Variants in PUDP observed in about 807,000 individuals in gnomAD.
PUDP encodes pseudouridine-5'-phosphatase.
PUDP carries 8 observed loss-of-function variants against 9.4 expected under a neutral mutation model. The observed-to-expected ratio is 0.85, with a 90% CI of 0.50 to 1.53. The LOEUF (loss-of-function observed/expected upper bound fraction) is 1.53, where lower values mean the gene tolerates loss of function less well. Among genes scored for constraint, PUDP ranks in the 40% most tolerant of loss-of-function variants. PUDP has a pLI of 0.00. For synonymous variants in PUDP, 99 were observed against 80.7 expected (o/e 1.23, Z -1.22); for missense variants, 188 against 189.7 (o/e 0.99, Z 0.05).
chrX:6,903,187 C>T (rs1345629731), intron 3 of PUDP, among the ~76,000 whole-genome samples: 7 of 112,368 alleles, frequency 6.2e-5, no homozygotes, highest in Admixed American at 2.8e-4. Flanking sequence ...CTTCTTACAG[C>T]TAAATAATCC....
At chrX:6,745,137 A>G (rs189368466) in intron 3 of PUDP, among the ~76,000 whole-genome samples, 72 of 111,905 alleles carry the variant, frequency 6.4e-4, no homozygotes, top group African/African-American at 1.6e-3. Flanking sequence ...TGTAAAGAGG[A>G]TGAGTTGAAT....
intron 3 of PUDP, among the ~76,000 whole-genome samples, chrX:6,822,283 G>A (rs5989578): frequency 0.24 from 26,249 of 110,871 alleles, 2,378 homozygotes; most frequent in African/African-American, 0.29. Flanking sequence ...CTTTATCTCC[G>A]AAGATGAAGA....
At chrX:7,067,422 C>T (rs1289297476) in intron 3 of PUDP, among the ~76,000 whole-genome samples, 1 of 111,886 alleles carries the variant, frequency 8.9e-6, no homozygotes, top group South Asian at 3.8e-4. Flanking sequence ...ACAGATTCTG[C>T]CGCTGACTGT....
intron 1 of PUDP, among the ~76,000 whole-genome samples, chrX:6,712,274 T>C (rs1213782337): frequency 8.9e-6 from 1 of 111,880 alleles, no homozygotes; most frequent in Admixed American, 9.5e-5. Flanking sequence ...CCTCAGCCTC[T>C]GGAGCAGCTG....
Position 6,720,381 on chromosome X carries a change from T to C in PUDP, n.128+1036A>G, listed in dbSNP as rs1174065304. ...ATGTGAATGAACCTGGAGGGCATTA[T>C]GTTAAGCAAATTAAGCCAGACAGAG... On this transcript the variant is annotated intron_variant and non_coding_transcript_variant, in intron 1 of 2. Transcript: ENST00000438499. Among the ~76,000 whole-genome samples, 8 of 102,403 alleles carry C rather than the reference T, an allele frequency of 7.8e-5. No individual in the cohort carries two copies. In the Admixed American group the frequency reaches 8.8e-4, roughly 11 times the overall value. The allele number at this position is 102,403 out of a possible 115,157, so 88.9% of individuals were successfully genotyped here.
At position 6,916,032 on chromosome X, in the gene PUDP, C is replaced by G. The variant is rs140308347; in HGVS notation, c.*247+61101G>C. On this transcript the variant is annotated intron_variant and NMD_transcript_variant, in intron 3 of 3. Transcript: ENST00000655425. ...ATTTTAATCCATTTTAACTTGAAAC[C>G]AAAGCACTGTTTTGCTCTATTCCCA... 4.8e-3 allele frequency among the ~76,000 whole-genome samples: 532 copies of G among 110,954 alleles called. 5 individuals are homozygous for G. Among genetic ancestry groups the G allele is most frequent in the African/African-American group, 0.016 (503 of 30,531 alleles).
At chrX:6,812,594 T>C (rs1466763931) in intron 3 of PUDP, among the ~76,000 whole-genome samples, 2 of 111,747 alleles carry the variant, frequency 1.8e-5, no homozygotes, top group Admixed American at 1.9e-4. Flanking sequence ...ATTTTATGTA[T>C]GAGAGACCTA....
intron 3 of PUDP, among the ~76,000 whole-genome samples, chrX:6,791,527 A>G (rs933209939): frequency 9.0e-6 from 1 of 111,377 alleles, no homozygotes; most frequent in Admixed American, 9.6e-5. Flanking sequence ...GGATTATCCA[A>G]TGTAATCACA....
intron 3 of PUDP, among the ~76,000 whole-genome samples, chrX:6,810,088 CAAA>C (rs35475170): frequency 1.0e-5 from 1 of 99,341 alleles, no homozygotes; most frequent in African/African-American, 3.6e-5. Context: ...AAACGAAAAC[CAAA>C]AAAAAAAAAT....
chrX:6,927,872 G>A lies in PUDP; in HGVS notation c.*247+49261C>T, dbSNP rs763285725. Among the ~76,000 whole-genome samples the A allele has an allele frequency of 9.9e-5, 11 of 110,653 alleles. 1 individual carries two copies. In the South Asian group the frequency reaches 3.9e-3, roughly 39 times the overall value. On this transcript the variant is annotated intron_variant and NMD_transcript_variant, in intron 3 of 3. Coordinates refer to the PUDP transcript ENST00000655425. ...TTACTAGAGGGAAGGAATGGATCAGGAACAGAGATTAACTTGTAAAGAGTT... is the reference window on the plus strand; with the variant it reads ...TTACTAGAGGGAAGGAATGGATCAGAAACAGAGATTAACTTGTAAAGAGTT...
intron 1 of PUDP, among the ~76,000 whole-genome samples, chrX:7,110,155 T>C (rs1376824279): frequency 9.0e-6 from 1 of 111,667 alleles, no homozygotes; most frequent in Non-Finnish European, 1.9e-5. Context: ...GCAGCCTGAG[T>C]TCCCGGGGGC....
At position 6,841,910 on chromosome X, in the gene PUDP, G is replaced by T. The variant is rs181829702; in HGVS notation, c.*247+135223C>A. Among the ~76,000 whole-genome samples, 222 of 109,635 alleles carry T rather than the reference G, an allele frequency of 2.0e-3. 2 individuals are homozygous for T. The highest frequency in any genetic ancestry group is 4.7e-3 in the Middle Eastern group (1 of 213). ...CACATGCCAATTCTGTGTGTGTGTG[G>T]GGGGGGTTATGTGTGTGTATGTTTT... is the stretch of plus-strand genomic sequence containing the variant. On this transcript the variant is annotated intron_variant and NMD_transcript_variant, in intron 3 of 3. Coordinates refer to the PUDP transcript ENST00000655425.
At chrX:6,715,286 G>A (rs922770701) in intron 1 of PUDP, among the ~76,000 whole-genome samples, 6 of 110,591 alleles carry the variant, frequency 5.4e-5, no homozygotes, top group African/African-American at 2.0e-4. Context: ...CCATTGTGTG[G>A]CTATGCTTTT....
intron 3 of PUDP, among the ~76,000 whole-genome samples, chrX:6,906,688 G>T (rs758323653): frequency 8.9e-6 from 1 of 111,894 alleles, no homozygotes; most frequent in East Asian, 2.8e-4. Flanking sequence ...ATCAAAGAGG[G>T]TATGACAACC....
intron 3 of PUDP, among the ~76,000 whole-genome samples, chrX:7,075,186 T>C (rs1930856243): frequency 8.9e-6 from 1 of 112,036 alleles, no homozygotes; most frequent in Non-Finnish European, 1.9e-5. Flanking sequence ...GGACAGGGTC[T>C]GGACATCAGA....
At chrX:6,725,381 C>A (rs7059505), upstream of PUDP, among the ~76,000 whole-genome samples, 10,728 of 110,764 alleles carry the variant, frequency 0.097, 432 homozygotes, top group African/African-American at 0.14. Flanking sequence ...ATCCTTCACC[C>A]CCTTCTCACT....
intron 1 of PUDP, among the ~76,000 whole-genome samples, chrX:6,991,887 A>C (rs1929184529): frequency 9.0e-6 from 1 of 111,038 alleles, no homozygotes; most frequent in African/African-American, 3.3e-5. Context: ...TTAAAAAGTG[A>C]GTGACAAAGT....
rs776689301 is a variant in PUDP at position 6,706,052 on chromosome X, A to G, written n.252+291T>C. On this transcript the variant is annotated intron_variant and non_coding_transcript_variant, in intron 2 of 2. Coordinates refer to the PUDP transcript ENST00000438499. ...CATCACACCATGTGAACTAAGCATC[A>G]TGCCAAGTTAAACAAGCCAGACACA... Among the ~76,000 whole-genome samples the G allele has an allele frequency of 2.5e-4, 28 of 112,676 alleles. No homozygotes were observed. The South Asian group carries it at 9.5e-3, about 38-fold the overall frequency.
chrX:6,943,764 C>T (rs979938982), intron 3 of PUDP, among the ~76,000 whole-genome samples: 3 of 111,363 alleles, frequency 2.7e-5, no homozygotes, highest in Admixed American at 9.6e-5. Context: ...CTGCTTTCCT[C>T]CTAAATGGTG....
Sources: gnomAD v4.1 joint callset for allele counts (sites outside exome capture counted in the v4.1 genomes callset) on GRCh38, gnomAD v4.1.1 for gene constraint, MANE v1.5 for transcripts, NCBI Gene and HGNC (gene_info 2026-07-23, HGNC 2026-07-21) for gene names.